Variants in ANO2 observed in about 807,000 individuals in gnomAD.
ANO2 encodes anoctamin-2.
A neutral mutation model predicts 124.2 loss-of-function variants in ANO2; 101 were observed. That is an observed-to-expected ratio of 0.81 (90% CI 0.69 to 0.96). The LOEUF is 0.96. ANO2 is among the 40% of genes least tolerant of loss of function. ANO2 has a pLI of 0.00. For synonymous variants in ANO2, 486 were observed against 482.5 expected (o/e 1.01, Z -0.09); for missense variants, 1,293 against 1,274.5 (o/e 1.01, Z -0.22).
chr12:5,861,560 G>A (rs1419654649), intron 3 of ANO2, among the ~76,000 whole-genome samples: 1 of 152,132 alleles, frequency 6.6e-6, no homozygotes, highest in African/African-American at 2.4e-5. Context: ...TACTCCTCAG[G>A]CCTCCTTCCC....
At chr12:5,732,882 G>T in intron 13 of ANO2, 1 of 1,613,916 alleles carries the variant, frequency 6.2e-7, no homozygotes, top group East Asian at 2.2e-5. Flanking sequence ...ACGTTCCTGG[G>T]GATAGCGCCG....
intron 14 of ANO2, among the ~76,000 whole-genome samples, chr12:5,717,672 G>A (rs1318957853): frequency 6.6e-6 from 1 of 152,176 alleles, no homozygotes; most frequent in African/African-American, 2.4e-5. Context: ...CTCCAGATCT[G>A]GCCTGGATGG....
chr12:5,830,471 C>T lies in ANO2; in HGVS notation c.804G>A (p.Lys268=), dbSNP rs763181934. The change falls in exon 6 of 25, where the codon AAG becomes AAA. Residue 268 remains lysine (K), a synonymous_variant. Transcript: ENST00000682330. ...GGGTGGCATTATCAAAGAAGGTGTC[C>T]TTTTCCTGGATGTTGTACCTGGAGA... is the stretch of plus-strand genomic sequence containing the variant. ...EKMYLYNIQE[K]DTFFDNATRS... 5 of 1,612,576 alleles carry T rather than the reference C, an allele frequency of 3.1e-6. No individual in the cohort carries two copies. The highest frequency in any genetic ancestry group is 1.7e-5 in the Admixed American group (1 of 59,884).
chr12:5,801,684 T>G (rs1953042537), intron 9 of ANO2, among the ~76,000 whole-genome samples: 1 of 152,218 alleles, frequency 6.6e-6, no homozygotes, highest in Non-Finnish European at 1.5e-5. Flanking sequence ...GGGCAAACTG[T>G]ACCAGCATTT....
At chr12:5,776,213 C>T (rs911582442) in intron 10 of ANO2, among the ~76,000 whole-genome samples, 7 of 152,144 alleles carry the variant, frequency 4.6e-5, no homozygotes, top group African/African-American at 1.7e-4. Flanking sequence ...TGACTTTGTG[C>T]ACACCCTATC....
chr12:5,701,823 C>T (rs775893427), intron 14 of ANO2, among the ~76,000 whole-genome samples: 25 of 152,146 alleles, frequency 1.6e-4, no homozygotes, highest in Non-Finnish European at 3.4e-4. Flanking sequence ...CCCAAAGATG[C>T]ACATTTTTCA....
chr12:5,921,080 T>C lies in ANO2; in HGVS notation c.494A>G (p.Asn165Ser), dbSNP rs757899971. The change falls in exon 3 of 25, where the codon AAT becomes AGT. Residue 165 changes from asparagine (N) to serine (S), a missense_variant. Physicochemically the swap from Asn to Ser is conservative, Grantham distance 46. Coordinates refer to ENST00000682330, the MANE Select transcript of ANO2 (RefSeq NM_001364791.2). ...AAGCTCCAGTCCAGCCTCCATCAGA[T>C]TGTGCTCAAATTCCTCCCGCTGCTC... ...RKEQREEFEH[N>S]LMEAGLELEK... is the part of the protein sequence containing the mutation. 26 of 1,613,240 alleles carry C rather than the reference T, an allele frequency of 1.6e-5. No individual in the cohort carries two copies. Among genetic ancestry groups the C allele is most frequent in the South Asian group, 4.4e-5 (4 of 91,070 alleles).
chr12:5,565,631 G>A lies in ANO2; in HGVS notation c.2654C>T (p.Pro885Leu), dbSNP rs754149600. Residue 885 changes from proline to leucine, a missense_variant, in exon 24 of 25, where the codon CCG becomes CTG. Coordinates refer to ENST00000682330, the MANE Select transcript of ANO2 (RefSeq NM_001364791.2). ...CTGTTTCGAAAACTCATAAGGGTTC[G>A]GGGCCCATGGCGGCTCTCGGTAATC... is the stretch of plus-strand genomic sequence containing the variant. ...FKDYREPPWA[P>L]NPYEFSKQYW... The A allele has an allele frequency of 7.5e-6, 12 of 1,604,360 alleles. No homozygotes were observed. The Admixed American group carries it at 1.0e-4, about 14-fold the overall frequency.
chr12:5,568,852 T>C (rs1470961059), intron 23 of ANO2, among the ~76,000 whole-genome samples: 1 of 152,240 alleles, frequency 6.6e-6, no homozygotes, highest in East Asian at 1.9e-4. Context: ...AACCTTCTGA[T>C]GCCCAGCTTT....
intron 15 of ANO2, among the ~76,000 whole-genome samples, chr12:5,646,490 G>T (rs1946643627): frequency 6.6e-6 from 1 of 151,956 alleles, no homozygotes; most frequent in African/African-American, 2.4e-5. Context: ...TTAAGAGAGG[G>T]ATTATTTTGT....
At chr12:5,641,497 T>C (rs1946392448) in intron 15 of ANO2, among the ~76,000 whole-genome samples, 1 of 152,238 alleles carries the variant, frequency 6.6e-6, no homozygotes, top group South Asian at 2.1e-4. Flanking sequence ...CAATATAATG[T>C]ATTGTCCAAT....
chr12:5,589,612 A>G (rs1007993624), intron 20 of ANO2, among the ~76,000 whole-genome samples: 1 of 152,182 alleles, frequency 6.6e-6, no homozygotes. Context: ...AAGGCCCTGC[A>G]ATTTGAAGAA....
intron 3 of ANO2, among the ~76,000 whole-genome samples, chr12:5,907,055 G>A (rs1037055251): frequency 2.6e-5 from 4 of 152,110 alleles, no homozygotes; most frequent in African/African-American, 7.2e-5. Context: ...TAAAGTCTCC[G>A]TTTGTTTCCA....
At chr12:5,627,439 C>A (rs947995774) in intron 16 of ANO2, among the ~76,000 whole-genome samples, 2 of 152,214 alleles carry the variant, frequency 1.3e-5, no homozygotes, top group African/African-American at 4.8e-5. Context: ...GAGGCATAGG[C>A]CCCATTCCCC....
chr12:5,864,881 T>C (rs1955375972), intron 3 of ANO2, among the ~76,000 whole-genome samples: 1 of 152,182 alleles, frequency 6.6e-6, no homozygotes, highest in African/African-American at 2.4e-5. Flanking sequence ...TTCCTGTCTT[T>C]CATTTATTTG....
At chr12:5,811,616 G>A (rs1591644189) in intron 7 of ANO2, among the ~76,000 whole-genome samples, 1 of 152,156 alleles carries the variant, frequency 6.6e-6, no homozygotes, top group East Asian at 1.9e-4. Context: ...TCATATGAAG[G>A]AGCAAGAAAG....
rs1257999847 is a variant in ANO2 at position 5,921,273 on chromosome 12, A to C, written c.301T>G (p.Tyr101Asp). The C allele has an allele frequency of 6.2e-7, 1 of 1,614,002 alleles. No individual in the cohort carries two copies. The highest frequency in any genetic ancestry group is 2.2e-5 in the East Asian group (1 of 44,878). Residue 101 changes from tyrosine to aspartate, a missense_variant, in exon 3 of 25, where the codon TAT becomes GAT. Transcript: ENST00000682330. ...HFHDSQRKVDYVLAYHYRKRG... is the reference protein window; with the variant it reads ...HFHDSQRKVDDVLAYHYRKRG... Reference sequence around the variant, plus strand: ...TTCCGGTAGTGGTAGGCAAGTACATAGTCGACCTTCCTCTGACTGTCATGG... The same window carrying C: ...TTCCGGTAGTGGTAGGCAAGTACATCGTCGACCTTCCTCTGACTGTCATGG...
At position 5,837,163 on chromosome 12, in the gene ANO2, C is replaced by T. The variant is rs1231854199; in HGVS notation, c.634-4560G>A. On this transcript the variant is annotated intron_variant, in intron 4 of 24. Coordinates refer to ENST00000682330, the MANE Select transcript of ANO2 (RefSeq NM_001364791.2). Reference sequence around the variant, plus strand: ...CCTCTGATAGGCCAAAAGCCTCCCCCTCCTGCCCCTACCAAGTGCAAAGGC... The same window carrying T: ...CCTCTGATAGGCCAAAAGCCTCCCCTTCCTGCCCCTACCAAGTGCAAAGGC... Among the ~76,000 whole-genome samples the T allele has an allele frequency of 6.6e-5, 10 of 152,292 alleles. No individual in the cohort carries two copies. In the East Asian group the frequency reaches 1.5e-3, roughly 24 times the overall value.
chr12:5,940,178 C>T (rs1210770579), intron 1 of ANO2, among the ~76,000 whole-genome samples: 1 of 152,132 alleles, frequency 6.6e-6, no homozygotes, highest in Non-Finnish European at 1.5e-5. Flanking sequence ...TGCCACATAT[C>T]GATGTTGTCA....
Sources: gnomAD v4.1 joint callset for allele counts (sites outside exome capture counted in the v4.1 genomes callset) on GRCh38, gnomAD v4.1.1 for gene constraint, MANE v1.5 for transcripts, NCBI Gene and HGNC (gene_info 2026-07-23, HGNC 2026-07-21) for gene names.